HOTAIR: variants seen among roughly 807,000 people sequenced by gnomAD.
The protein encoded by HOTAIR is HOX transcript antisense RNA (non-protein coding).
In HOTAIR at chr12:53,973,219, G is replaced by A. The variant is rs1197315228; in HGVS notation, n.59+1679C>T. 4 of 1,528,128 alleles carry A rather than the reference G, an allele frequency of 2.6e-6. No homozygotes were observed. The highest frequency in any genetic ancestry group is 2.0e-5 in the Admixed American group (1 of 48,938). 94.7% of individuals were successfully genotyped at this position (1,528,128 alleles called of 1,614,324 possible). A position where few individuals can be genotyped will look rare whatever the true frequency, so the allele number is the denominator to read the frequency against. ...TAGACCGGGTCCAAAACCTCCATCC[G>A]GAGCCGGCAGGAGAGGAGAACGATG... On this transcript the variant is annotated intron_variant and non_coding_transcript_variant, in intron 1 of 6. Transcript: ENST00000424518. The surrounding 1 kb of genome is among the most constrained non-coding windows in gnomAD (Gnocchi z 4.3).
At chr12:53,967,145 A>T (rs932308213) in intron 3 of HOTAIR, 1 of 152,204 alleles carries the variant, frequency 6.6e-6, no homozygotes, top group Non-Finnish European at 1.5e-5. Flanking sequence ...GGAAGGATGC[A>T]CAGAAAACAA....
At position 53,973,649 on chromosome 12, in the gene HOTAIR, C is replaced by G. The variant is rs1202075673; in HGVS notation, n.59+1249G>C. ...GCGCCCCGCACGCAACCCCCGCCGG[C>G]TTCTACTCCTCAGTCAACAAGAACA... On this transcript the variant is annotated intron_variant and non_coding_transcript_variant, in intron 1 of 6. Transcript: ENST00000424518. This position sits in a 1 kb window ranked among gnomAD's most constrained non-coding sequence, Gnocchi z 4.3. 6.2e-7 allele frequency: 1 copy of G among 1,613,662 alleles called. No homozygotes were observed. Among genetic ancestry groups the G allele is most frequent in the Non-Finnish European group, 8.5e-7 (1 of 1,180,038 alleles).
At position 53,973,050 on chromosome 12, in the gene HOTAIR, C is replaced by T. The variant is rs1939174809; in HGVS notation, n.59+1848G>A. 3 of 501,804 alleles carry T rather than the reference C, an allele frequency of 6.0e-6. No individual in the cohort carries two copies. The highest frequency in any genetic ancestry group is 1.0e-5 in the Non-Finnish European group (3 of 287,092). 31.1% of individuals were successfully genotyped at this position (501,804 alleles called of 1,614,324 possible). On this transcript the variant is annotated intron_variant and non_coding_transcript_variant, in intron 1 of 6. Transcript: ENST00000424518. The surrounding 1 kb of genome is among the most constrained non-coding windows in gnomAD (Gnocchi z 4.3). ...AACCAATCGCCTGAACGTCCCCGAT[C>T]TTACCTAAGAGAGAACCCCTCCTAC...
In HOTAIR at chr12:53,973,796, G is replaced by C; in HGVS notation, n.59+1102C>G. 1.3e-6 allele frequency: 2 copies of C among 1,592,048 alleles called. No homozygotes were observed. The highest frequency in any genetic ancestry group is 2.7e-5 in the African/African-American group (2 of 74,032). On this transcript the variant is annotated intron_variant and non_coding_transcript_variant, in intron 1 of 6. Transcript: ENST00000424518. This position sits in a 1 kb window ranked among gnomAD's most constrained non-coding sequence, Gnocchi z 4.3. ...CCAAGGGGGAGCCCGAGGCACCCCC[G>C]GCCTCGGGACTGGCGTCCCGGGCTG...
chr12:53,973,805 ACTGGCGTCCCGGGCTGAGGC>A lies in HOTAIR; in HGVS notation n.59+1073_59+1092del. ...AGCCCGAGGCACCCCCGGCCTCGGG[ACTGGCGTCCCGGGCTGAGGC>A]GGGTGCCGAGGCGGAGGCTGAGGAG... On this transcript the variant is annotated intron_variant and non_coding_transcript_variant, in intron 1 of 6. Coordinates refer to ENST00000424518, the Ensembl canonical transcript of HOTAIR. The surrounding 1 kb of genome is among the most constrained non-coding windows in gnomAD (Gnocchi z 4.3). 8.1e-7 allele frequency: 1 copy of A among 1,228,454 alleles called. No individual in the cohort carries two copies. Among genetic ancestry groups the A allele is most frequent in the Non-Finnish European group, 1.1e-6 (1 of 884,446 alleles). The allele number at this position is 1,228,454 out of a possible 1,614,324, so 76.1% of individuals were successfully genotyped here. A position where few individuals can be genotyped will look rare whatever the true frequency, so the allele number is the denominator to read the frequency against.
At chr12:53,968,560 C>T (rs1338599651) in intron 2 of HOTAIR, 1 of 152,320 alleles carries the variant, frequency 6.6e-6, no homozygotes, top group East Asian at 1.9e-4. Context: ...ACTTGTAAAT[C>T]CTGAGCAGAA....
At chr12:53,974,207 T>A (rs1013637641) in intron 1 of HOTAIR, among the ~76,000 whole-genome samples, 1 of 151,886 alleles carries the variant, frequency 6.6e-6, no homozygotes, top group African/African-American at 2.4e-5. Context: ...CCTCGGTCTG[T>A]GAAATTTTTA....
At chr12:53,971,765 C>A (rs530691851) in intron 1 of HOTAIR, among the ~76,000 whole-genome samples, 1 of 152,326 alleles carries the variant, frequency 6.6e-6, no homozygotes, top group South Asian at 2.1e-4. Context: ...AGTCCAGAAC[C>A]TTTCAATAAA....
At chr12:53,965,811 T>A (rs1475599325) in intron 5 of HOTAIR, among the ~76,000 whole-genome samples, 1 of 150,724 alleles carries the variant, frequency 6.6e-6, no homozygotes, top group African/African-American at 2.4e-5. Flanking sequence ...GAAATGAAAA[T>A]AAGAAAGACG....
chr12:53,962,876 C>T (rs918254795), exon 7 of HOTAIR: 22 of 152,220 alleles, frequency 1.4e-4, no homozygotes, highest in African/African-American at 5.3e-4. Flanking sequence ...CAGGGTCCCA[C>T]TGCATAATCA....
intron 5 of HOTAIR, among the ~76,000 whole-genome samples, chr12:53,964,685 C>G (rs1211113919): frequency 6.6e-6 from 1 of 152,116 alleles, no homozygotes; most frequent in Non-Finnish European, 1.5e-5. Context: ...CTGACCCTCT[C>G]TGATGTCTGT....
chr12:53,974,635 G>C (rs1304493143), intron 1 of HOTAIR, among the ~76,000 whole-genome samples: 1 of 151,750 alleles, frequency 6.6e-6, no homozygotes, highest in Non-Finnish European at 1.5e-5. Flanking sequence ...CTAGAACTGC[G>C]GTGTGGAAGG....
rs936813962 is a variant in HOTAIR, at chr12:53,973,781, G to A, written n.59+1117C>T. The A allele has an allele frequency of 1.2e-6, 2 of 1,605,424 alleles. No individual in the cohort carries two copies. The highest frequency in any genetic ancestry group is 1.3e-5 in the African/African-American group (1 of 74,624). On this transcript the variant is annotated intron_variant and non_coding_transcript_variant, in intron 1 of 6. Transcript: ENST00000424518. The surrounding 1 kb of genome is among the most constrained non-coding windows in gnomAD (Gnocchi z 4.3). ...CCGGCAAGGGCGAGGCCAAGGGGGA[G>A]CCCGAGGCACCCCCGGCCTCGGGAC...
chr12:53,966,889 C>T (rs1939065243), intron 3 of HOTAIR, among the ~76,000 whole-genome samples: 1 of 152,176 alleles, frequency 6.6e-6, no homozygotes, highest in African/African-American at 2.4e-5. Context: ...GGGCAGTGGG[C>T]AGGCTCAGCT....
At chr12:53,970,990 G>A (rs780731307) in intron 1 of HOTAIR, among the ~76,000 whole-genome samples, 1 of 152,100 alleles carries the variant, frequency 6.6e-6, no homozygotes, top group Admixed American at 6.5e-5. Context: ...GGTACCTCTC[G>A]CTTCCCTCTT....
intron 5 of HOTAIR, among the ~76,000 whole-genome samples, chr12:53,964,762 T>C (rs1176954676): frequency 6.6e-6 from 1 of 152,134 alleles, no homozygotes; most frequent in East Asian, 1.9e-4. Context: ...TCTCCCAACA[T>C]CACCCTAAGC....
intron 1 of HOTAIR, among the ~76,000 whole-genome samples, chr12:53,972,389 G>T (rs1939162126): frequency 6.6e-6 from 1 of 152,250 alleles, no homozygotes; most frequent in South Asian, 2.1e-4. Context: ...CATTAGAGAA[G>T]GTTTTTCCCA....
chr12:53,970,126 T>C (rs1413014960), intron 1 of HOTAIR, among the ~76,000 whole-genome samples: 3 of 152,246 alleles, frequency 2.0e-5, no homozygotes. Context: ...CTGATGGCGC[T>C]GACTGAGGAC....
chr12:53,972,491 CCAGA>C (rs1304399391), intron 1 of HOTAIR, among the ~76,000 whole-genome samples: 2 of 131,652 alleles, frequency 1.5e-5, no homozygotes, highest in Non-Finnish European at 3.5e-5. Context: ...GCACAGCAAG[CCAGA>C]CAAAGTTGGG....
Sources: allele counts gnomAD v4.1 joint callset (sites outside exome capture counted in the v4.1 genomes callset), GRCh38; gene constraint gnomAD v4.1.1; non-coding constraint Gnocchi (gnomAD v3.1); transcripts MANE v1.5; gene names NCBI Gene and HGNC (gene_info 2026-07-23, HGNC 2026-07-21).